Variants in NHLRC2 observed in about 807,000 individuals in gnomAD.
The protein encoded by NHLRC2 is NHL repeat containing 2.
Under a neutral mutation model 68.1 loss-of-function variants are expected in NHLRC2, and 33 were observed. The observed-to-expected ratio is 0.48, with a 90% CI of 0.37 to 0.65. The LOEUF (loss-of-function observed/expected upper bound fraction) is 0.65, where lower values mean the gene tolerates loss of function less well. Among genes scored for constraint, NHLRC2 ranks in the 30% least tolerant of loss-of-function variants. NHLRC2 has a pLI of 0.00. For missense variants in NHLRC2, 761 were observed against 853.8 expected (o/e 0.89, Z 1.35); for synonymous variants, 311 against 309.6 (o/e 1.00, Z -0.05).
intron 9 of NHLRC2, among the ~76,000 whole-genome samples, 167 bp from the exon 10 acceptor site, chr10:113,904,650 A>G (rs964159025): frequency 7.2e-5 from 11 of 152,184 alleles, no homozygotes; most frequent in Admixed American, 6.5e-5. Context: ...CTCTGTGTCT[A>G]CGAAAATAAT....
rs141788859 is a variant in NHLRC2 at position 113,916,848 on chromosome 10, A to G, written c.*8312A>G. ...TAAAAATGCAGCGAAAATCCAATCT[A>G]CAAGTTCATATATTGGTATTTCTAG... On this transcript the variant is annotated 3_prime_UTR_variant, in exon 11 of 11. Transcript: ENST00000369301. 2 of 152,310 alleles carry G rather than the reference A, an allele frequency of 1.3e-5. No homozygotes were observed. Among genetic ancestry groups the G allele is most frequent in the East Asian group, 3.9e-4 (2 of 5,190 alleles). The allele number at this position is 152,310 out of a possible 1,614,324, so 9.4% of individuals were successfully genotyped here.
chr10:113,862,631 A>G (rs1845828182), intron 2 of NHLRC2, among the ~76,000 whole-genome samples: 1 of 152,214 alleles, frequency 6.6e-6, no homozygotes, highest in Non-Finnish European at 1.5e-5. Context: ...AAAGGCAGAA[A>G]TTGGCAGAAT....
rs912203483 is a variant in NHLRC2, at chr10:113,908,858, GATA to G, written c.*332_*334del. 7 of 216,852 alleles carry G rather than the reference GATA, an allele frequency of 3.2e-5. No individual in the cohort carries two copies. Among genetic ancestry groups the G allele is most frequent in the South Asian group, 1.2e-4 (1 of 8,630 alleles). The allele number at this position is 216,852 out of a possible 1,614,324, so 13.4% of individuals were successfully genotyped here. A position where few individuals can be genotyped will look rare whatever the true frequency, so the allele number is the denominator to read the frequency against. On this transcript the variant is annotated 3_prime_UTR_variant, in exon 11 of 11. Transcript: ENST00000369301. ...TATAAGATAATTTGCAATAAATACT[GATA>G]ATAATAATACCAGATATTTTAACTA...
intron 5 of NHLRC2, among the ~76,000 whole-genome samples, chr10:113,886,758 T>C (rs79856001): frequency 0.017 from 2,531 of 152,142 alleles, 67 homozygotes; most frequent in African/African-American, 0.056. Context: ...AGGCCTGAAA[T>C]GGTAAAGCTA....
chr10:113,871,168 G>A (rs1047940329), intron 2 of NHLRC2, among the ~76,000 whole-genome samples: 26 of 151,796 alleles, frequency 1.7e-4, no homozygotes, highest in African/African-American at 5.8e-4. Context: ...GGGATTACGT[G>A]GATGTGCCAC....
chr10:113,880,345 G>T (rs913244635), intron 4 of NHLRC2, among the ~76,000 whole-genome samples: 1 of 151,586 alleles, frequency 6.6e-6, no homozygotes, highest in Non-Finnish European at 1.5e-5. Flanking sequence ...ATAATGTTTT[G>T]CAGGTTTTTC....
At chr10:113,863,005 G>T (rs920434257) in intron 2 of NHLRC2, among the ~76,000 whole-genome samples, 26 of 152,224 alleles carry the variant, frequency 1.7e-4, no homozygotes, top group African/African-American at 6.3e-4. Context: ...TAGATGATAT[G>T]ATTATAATGA....
Position 113,915,630 on chromosome 10 carries a change from C to A in NHLRC2, c.*7094C>A. The A allele has an allele frequency of 4.3e-6, 1 of 231,262 alleles. No homozygotes were observed. The highest frequency in any genetic ancestry group is 5.7e-5 in the South Asian group (1 of 17,650). 14.3% of individuals were successfully genotyped at this position (231,262 alleles called of 1,614,324 possible). On this transcript the variant is annotated 3_prime_UTR_variant, in exon 11 of 11. Coordinates refer to ENST00000369301, the MANE Select transcript of NHLRC2 (RefSeq NM_198514.4). ...TCCCCAATTAAAATAGTTTTTTTTT[C>A]CCTTCCCATTTTTTTGTTTTTAAGA...
intron 2 of NHLRC2, among the ~76,000 whole-genome samples, chr10:113,866,596 CATATAGT>C (rs1394805573): frequency 1.3e-5 from 2 of 151,858 alleles, no homozygotes; most frequent in Non-Finnish European, 2.9e-5. Flanking sequence ...CTAGTATTAT[CATATAGT>C]ATATGCTTTT....
intron 4 of NHLRC2, among the ~76,000 whole-genome samples, chr10:113,880,106 G>C (rs1249569754): frequency 6.6e-5 from 10 of 151,730 alleles, no homozygotes; most frequent in African/African-American, 2.4e-4. Flanking sequence ...TAGCCAATTC[G>C]TCTTAAAACT....
rs901012170 is a variant in NHLRC2 at position 113,916,834 on chromosome 10, C to T, written c.*8298C>T. ...TTTTCTCCAGTGATTAAAAATGCAG[C>T]GAAAATCCAATCTACAAGTTCATAT... On this transcript the variant is annotated 3_prime_UTR_variant, in exon 11 of 11. Coordinates refer to ENST00000369301, the MANE Select transcript of NHLRC2 (RefSeq NM_198514.4). 1.3e-5 allele frequency: 2 copies of T among 152,046 alleles called. No individual in the cohort carries two copies. The highest frequency in any genetic ancestry group is 6.6e-5 in the Admixed American group (1 of 15,254). 9.4% of individuals were successfully genotyped at this position (152,046 alleles called of 1,614,324 possible).
At chr10:113,858,178 T>C (rs755365640) in intron 1 of NHLRC2, among the ~76,000 whole-genome samples, 2 of 151,924 alleles carry the variant, frequency 1.3e-5, no homozygotes, top group Non-Finnish European at 2.9e-5. Context: ...TTTCCCATCC[T>C]CTACTCCTCC....
At chr10:113,884,841 A>G (rs996893653) in intron 5 of NHLRC2, among the ~76,000 whole-genome samples, 1 of 151,724 alleles carries the variant, frequency 6.6e-6, no homozygotes, top group African/African-American at 2.4e-5. Flanking sequence ...GATTTAAAAA[A>G]TTTATATTAA....
chr10:113,858,853 T>C, intron 2 of NHLRC2, 173 bp downstream of exon 2: 1 of 441,122 alleles, frequency 2.3e-6, no homozygotes, highest in Non-Finnish European at 4.0e-6. Flanking sequence ...AGGATTAAGC[T>C]TAGTGATAGT....
intron 1 of NHLRC2, among the ~76,000 whole-genome samples, chr10:113,856,060 TA>T (rs1845754632): frequency 6.6e-6 from 1 of 152,196 alleles, no homozygotes; most frequent in Non-Finnish European, 1.5e-5. Flanking sequence ...CTAATACTTT[TA>T]AAAATCGGAA....
Position 113,884,253 on chromosome 10 carries a change from T to A in NHLRC2, c.912T>A (p.Ile304=). 6.2e-7 allele frequency: 1 copy of A among 1,607,050 alleles called. No homozygotes were observed. Among genetic ancestry groups the A allele is most frequent in the Non-Finnish European group, 8.5e-7 (1 of 1,175,794 alleles). ...AACCATCCTTTGAATTTCTATAGAT[T>A]GACCTAGAAGCTGAGAAGGTGAGCA... ...ADTENHLIRK[I]DLEAEKVSTV... is the part of the protein sequence containing the mutation. Residue 304 remains isoleucine (I), a splice_region_variant and synonymous_variant, in exon 5 of 11, where the codon ATT becomes ATA. Coordinates refer to ENST00000369301, the MANE Select transcript of NHLRC2 (RefSeq NM_198514.4).
At chr10:113,890,700 A>G (rs547611533) in intron 5 of NHLRC2, among the ~76,000 whole-genome samples, 2 of 152,134 alleles carry the variant, frequency 1.3e-5, no homozygotes, top group South Asian at 2.1e-4. Flanking sequence ...AGTAATTTCT[A>G]CCAATTTATC....
intron 5 of NHLRC2, among the ~76,000 whole-genome samples, chr10:113,887,698 G>A (rs1450851837): frequency 1.3e-5 from 2 of 152,130 alleles, no homozygotes; most frequent in African/African-American, 4.8e-5. Context: ...CTTGAACCCG[G>A]GAGGCGGAGG....
intron 10 of NHLRC2, among the ~76,000 whole-genome samples, chr10:113,906,563 G>A (rs2134742236): frequency 6.7e-6 from 1 of 149,182 alleles, no homozygotes; most frequent in African/African-American, 2.4e-5. Context: ...CAGCATAAAA[G>A]CACCACATGT....
Sources: gnomAD v4.1 joint callset for allele counts (sites outside exome capture counted in the v4.1 genomes callset) on GRCh38, gnomAD v4.1.1 for gene constraint, MANE v1.5 for transcripts, NCBI Gene and HGNC (gene_info 2026-07-23, HGNC 2026-07-21) for gene names.